GALNT16: variants seen among roughly 807,000 people sequenced by gnomAD.
GALNT16 encodes the protein UDP-GalNAc:polypeptide N-acetylgalactosaminyltransferase-like protein 1.
Under a neutral mutation model 76.1 loss-of-function variants are expected in GALNT16, and 40 were observed. The ratio of observed to expected loss-of-function variants is 0.53; its 90% CI spans 0.41 to 0.68. The LOEUF is 0.68. Among genes scored for constraint, GALNT16 ranks in the 30% least tolerant of loss-of-function variants. GALNT16 has a pLI of 0.00. For synonymous variants in GALNT16, 276 were observed against 285.2 expected, an observed-to-expected ratio of 0.97 and a Z score of 0.32; for missense variants, 621 against 731.9, an observed-to-expected ratio of 0.85 and a Z score of 1.75.
the GALNT16 span, among the ~76,000 whole-genome samples, chr14:69,375,116 T>G: frequency 6.6e-6 from 1 of 152,222 alleles, no homozygotes; most frequent in South Asian, 2.1e-4. Context: ...TGTCTCTTGA[T>G]GAAGCTACAC....
At chr14:69,345,503 C>A (rs2045549588) in intron 12 of GALNT16, among the ~76,000 whole-genome samples, 1 of 152,118 alleles carries the variant, frequency 6.6e-6, no homozygotes, top group South Asian at 2.1e-4. Context: ...AATGGCCCAA[C>A]CCCCCAGGCC....
intron 5 of GALNT16, among the ~76,000 whole-genome samples, chr14:69,326,438 G>T (rs987925927): frequency 6.6e-6 from 1 of 152,230 alleles, no homozygotes; most frequent in African/African-American, 2.4e-5. Flanking sequence ...CACTCTAGGG[G>T]ACACGAAGGA....
Position 69,352,071 on chromosome 14 carries a change from G to A in GALNT16, c.1580G>A (p.Ser527Asn). ...RKGSFIQHSV[S>N]GLCLETKPAQ... is the part of the protein sequence containing the mutation. ...GGATCTTTCATCCAGCATTCAGTCA[G>A]TGGCCTCTGCCTGGAGACAAAGCCT... is the stretch of plus-strand genomic sequence containing the variant. The change falls in exon 15 of 15, where the codon AGT becomes AAT. Residue 527 changes from serine to asparagine, a missense_variant. By Grantham distance (46) the Ser-to-Asn change is conservative. Transcript: ENST00000448469. 1 of 1,613,992 alleles carries A rather than the reference G, an allele frequency of 6.2e-7. No homozygotes were observed. Among genetic ancestry groups the A allele is most frequent in the South Asian group, 1.1e-5 (1 of 91,056 alleles).
At chr14:69,378,273 A>G in the GALNT16 span, among the ~76,000 whole-genome samples, 3 of 152,220 alleles carry the variant, frequency 2.0e-5, no homozygotes, top group African/African-American at 7.2e-5. Flanking sequence ...ATTATCAAGA[A>G]ATATTTTAGA....
rs563448938 is a variant in GALNT16 at position 69,264,458 on chromosome 14, G to A, written c.177+3991G>A. ...GAAGTTTCTGCTTATGGAGGAACAT[G>A]CTCCTGTCAGTGGAAGGTCCCACAG... On this transcript the variant is annotated intron_variant, in intron 1 of 14. Transcript: ENST00000448469. Among the ~76,000 whole-genome samples, 54 of 152,190 alleles carry A rather than the reference G, an allele frequency of 3.5e-4. 1 individual carries two copies. Among genetic ancestry groups the A allele is most frequent in the Non-Finnish European group, 6.3e-4 (43 of 68,036 alleles).
chr14:69,281,394 G>A (rs1013363845), intron 1 of GALNT16, among the ~76,000 whole-genome samples: 5 of 152,152 alleles, frequency 3.3e-5, no homozygotes, highest in Admixed American at 1.3e-4. Flanking sequence ...ATATAAAGAC[G>A]GGGAGAACCT....
downstream of GALNT16, chr14:69,355,677 T>C (rs2045687749): frequency 6.6e-6 from 1 of 152,300 alleles, no homozygotes; most frequent in South Asian, 2.1e-4. Context: ...AACAGTTACG[T>C]CACTGGCAGG....
At chr14:69,321,558 C>T (rs963655411) in intron 2 of GALNT16, among the ~76,000 whole-genome samples, 1 of 152,186 alleles carries the variant, frequency 6.6e-6, no homozygotes, top group Non-Finnish European at 1.5e-5. Flanking sequence ...TGAAGCACCA[C>T]CCCCCGCTCC....
chr14:69,285,003 A>G (rs529283395), intron 1 of GALNT16, among the ~76,000 whole-genome samples: 1 of 146,446 alleles, frequency 6.8e-6, no homozygotes, highest in Non-Finnish European at 1.5e-5. Flanking sequence ...GGTCAATTAA[A>G]CTTCTTTCCT....
chr14:69,361,679 A>C (rs2045724757), downstream of GALNT16, among the ~76,000 whole-genome samples: 1 of 152,142 alleles, frequency 6.6e-6, no homozygotes. Context: ...ATCATTTTGC[A>C]GATGTAGAAA....
chr14:69,262,611 G>A (rs1182681677), intron 1 of GALNT16, among the ~76,000 whole-genome samples: 2 of 152,130 alleles, frequency 1.3e-5, no homozygotes, highest in African/African-American at 4.8e-5. Context: ...AGGGAGAATG[G>A]AAGTCCCTGG....
At position 69,322,965 on chromosome 14, in the gene GALNT16, T is replaced by C. The variant is rs2045216032; in HGVS notation, c.336-1727T>C. ...GTGTGTGTGTGTGTGTGTGTGTGTG[T>C]GTGTGTGTGTGTGTGTGCGCGCGCA... On this transcript the variant is annotated intron_variant, in intron 2 of 14. Coordinates refer to ENST00000448469, the MANE Select transcript of GALNT16 (RefSeq NM_001168368.2). Among the ~76,000 whole-genome samples, 5 of 69,342 alleles carry C rather than the reference T, an allele frequency of 7.2e-5. No individual in the cohort carries two copies. In the South Asian group the frequency reaches 2.1e-3, roughly 30 times the overall value. 45.5% of individuals were successfully genotyped at this position (69,342 alleles called of 152,430 possible). A position where few individuals can be genotyped will look rare whatever the true frequency, so the allele number is the denominator to read the frequency against.
At chr14:69,343,519 G>A (rs1477269274) in intron 12 of GALNT16, among the ~76,000 whole-genome samples, 2 of 152,188 alleles carry the variant, frequency 1.3e-5, no homozygotes, top group Non-Finnish European at 2.9e-5. Flanking sequence ...CAGCTCCCTG[G>A]ACACTAGCTG....
chr14:69,347,676 C>T (rs1364257379), intron 13 of GALNT16, among the ~76,000 whole-genome samples: 2 of 152,204 alleles, frequency 1.3e-5, no homozygotes. Context: ...CCCACCCCAG[C>T]ATTTTATTAC....
At chr14:69,279,403 G>A (rs189814346) in intron 1 of GALNT16, among the ~76,000 whole-genome samples, 174 of 152,322 alleles carry the variant, frequency 1.1e-3, no homozygotes, top group African/African-American at 3.9e-3. Flanking sequence ...GGTAACGATA[G>A]CACTACCTTT....
chr14:69,322,981 T>TGTGTGTGCGC lies in GALNT16; in HGVS notation c.336-1710_336-1709insTGTGTGCGCG, dbSNP rs1196943800. Among the ~76,000 whole-genome samples, 19 of 28,324 alleles carry TGTGTGTGCGC rather than the reference T, an allele frequency of 6.7e-4. 1 individual carries two copies. Among genetic ancestry groups the TGTGTGTGCGC allele is most frequent in the African/African-American group, 1.1e-3 (4 of 3,668 alleles). 18.6% of individuals were successfully genotyped at this position (28,324 alleles called of 152,430 possible). On this transcript the variant is annotated intron_variant, in intron 2 of 14. Coordinates refer to ENST00000448469, the MANE Select transcript of GALNT16 (RefSeq NM_001168368.2). Reference sequence around the variant, plus strand: ...GTGTGTGTGTGTGTGTGTGTGTGTGTGCGCGCGCACGCGCGCACGCATGCA... The same window carrying TGTGTGTGCGC: ...GTGTGTGTGTGTGTGTGTGTGTGTGTGTGTGTGCGCGCGCGCGCACGCGCGCACGCATGCA...
intron 3 of GALNT16, among the ~76,000 whole-genome samples, 187 bp from the exon 4 acceptor site, chr14:69,325,150 T>C (rs1363802305): frequency 2.0e-5 from 3 of 152,142 alleles, no homozygotes; most frequent in Non-Finnish European, 4.4e-5. Context: ...CCTGGGCTTG[T>C]GGTCAAGTTG....
chr14:69,289,691 C>T (rs1261018248), intron 1 of GALNT16, among the ~76,000 whole-genome samples: 1 of 152,126 alleles, frequency 6.6e-6, no homozygotes, highest in Non-Finnish European at 1.5e-5. Flanking sequence ...GGATACTAGG[C>T]TTCCCAAAAC....
intron 1 of GALNT16, among the ~76,000 whole-genome samples, chr14:69,293,652 A>T (rs10782457): frequency 6.6e-6 from 1 of 151,938 alleles, no homozygotes; most frequent in African/African-American, 2.4e-5. Context: ...CTGTGTGACC[A>T]CAGGCAAGTC....
Sources: gnomAD v4.1 joint callset for allele counts (sites outside exome capture counted in the v4.1 genomes callset) on GRCh38, gnomAD v4.1.1 for gene constraint, MANE v1.5 for transcripts, NCBI Gene and HGNC (gene_info 2026-07-23, HGNC 2026-07-21) for gene names.